CNTN4: variants seen among roughly 807,000 people sequenced by gnomAD.
CNTN4 encodes the protein contactin-4.
Under a neutral mutation model 122.5 loss-of-function variants are expected in CNTN4, and 77 were observed. That is an observed-to-expected ratio of 0.63 (90% CI 0.52 to 0.76). CNTN4 has a LOEUF of 0.76. Ranked by LOEUF, CNTN4 falls within the 30% of genes least tolerant of loss-of-function variation. The pLI, the probability that CNTN4 is intolerant of heterozygous loss-of-function variation, is 0.00. For synonymous variants in CNTN4, 512 were observed against 447.0 expected (o/e 1.15, Z -1.83); for missense variants, 1,256 against 1,259.1 (o/e 1.00, Z 0.04).
At chr3:2,119,801 TG>T (rs1189662006) in intron 2 of CNTN4, among the ~76,000 whole-genome samples, 2 of 152,180 alleles carry the variant, frequency 1.3e-5, no homozygotes, top group Non-Finnish European at 2.9e-5. Context: ...GAAGTGGATA[TG>T]GAACTTGCCA....
In CNTN4 at chr3:2,427,664, C is replaced by T. The variant is rs181262567; in HGVS notation, c.-89+88431C>T. Among the ~76,000 whole-genome samples, 12 of 152,130 alleles carry T rather than the reference C, an allele frequency of 7.9e-5. 1 individual carries two copies. Among genetic ancestry groups the T allele is most frequent in the Admixed American group, 5.9e-4 (9 of 15,292 alleles). On this transcript the variant is annotated intron_variant, in intron 3 of 24. Coordinates refer to ENST00000418658, the MANE Select transcript of CNTN4 (RefSeq NM_175607.3). Reference sequence around the variant, plus strand: ...GCCTCATGGATCTGTCTAATATTGACAGTGGGGTGTTAAAGTCTCCCATTA... The same window carrying T: ...GCCTCATGGATCTGTCTAATATTGATAGTGGGGTGTTAAAGTCTCCCATTA...
intron 2 of CNTN4, among the ~76,000 whole-genome samples, chr3:2,279,554 C>G (rs577349605): frequency 4.6e-5 from 7 of 152,230 alleles, no homozygotes; most frequent in African/African-American, 1.7e-4. Context: ...GGAAAAAGGA[C>G]TGAACTATAT....
chr3:3,027,574 G>A (rs9836259), intron 15 of CNTN4, among the ~76,000 whole-genome samples: 77 of 152,282 alleles, frequency 5.1e-4, no homozygotes, highest in African/African-American at 1.8e-3. Context: ...AACTTTAATG[G>A]TGGTATTAAT....
At chr3:2,139,431 G>T (rs2125324860) in intron 2 of CNTN4, among the ~76,000 whole-genome samples, 1 of 152,298 alleles carries the variant, frequency 6.6e-6, no homozygotes, top group East Asian at 1.9e-4. Context: ...ATTGGAATTA[G>T]ATTGGACACT....
chr3:2,309,837 C>G (rs1287376431), intron 2 of CNTN4, among the ~76,000 whole-genome samples: 1 of 152,152 alleles, frequency 6.6e-6, no homozygotes, highest in Non-Finnish European at 1.5e-5. Context: ...CCTCTGTTTT[C>G]CACATGTGGA....
intron 10 of CNTN4, among the ~76,000 whole-genome samples, chr3:2,898,207 C>T (rs2094135823): frequency 6.6e-6 from 1 of 152,178 alleles, no homozygotes; most frequent in African/African-American, 2.4e-5. Context: ...CTCTTTGTCA[C>T]ATATATAATA....
intron 14 of CNTN4, among the ~76,000 whole-genome samples, chr3:3,025,314 C>T (rs1178213177): frequency 1.3e-5 from 2 of 152,070 alleles, no homozygotes; most frequent in Non-Finnish European, 1.5e-5. Flanking sequence ...ATGTTCATTA[C>T]AGCATTATTT....
intron 2 of CNTN4, among the ~76,000 whole-genome samples, chr3:2,321,677 C>A (rs1270421606): frequency 6.6e-6 from 1 of 151,678 alleles, no homozygotes; most frequent in African/African-American, 2.4e-5. Context: ...GTTAGACGAC[C>A]TAGTATCTCA....
chr3:3,026,427 G>A lies in CNTN4; in HGVS notation c.1662+150G>A, dbSNP rs1698724414. The A allele has an allele frequency of 9.8e-6, 7 of 716,324 alleles. No individual in the cohort carries two copies. The East Asian group carries it at 1.9e-4, about 19-fold the overall frequency. The allele number at this position is 716,324 out of a possible 1,614,324, so 44.4% of individuals were successfully genotyped here. A position where few individuals can be genotyped will look rare whatever the true frequency, so the allele number is the denominator to read the frequency against. On this transcript the variant is annotated intron_variant, in intron 15 of 24. Coordinates refer to ENST00000418658, the MANE Select transcript of CNTN4 (RefSeq NM_175607.3). ...CTGCTCCTTTTTGCACAATAAATGT[G>A]GCATCACTCATTGAACAACTCTATA...
chr3:2,667,004 G>T (rs2084209355), intron 4 of CNTN4, among the ~76,000 whole-genome samples: 1 of 151,922 alleles, frequency 6.6e-6, no homozygotes, highest in African/African-American at 2.4e-5. Context: ...TGGACATTTG[G>T]GTTGGTTCCA....
intron 3 of CNTN4, among the ~76,000 whole-genome samples, chr3:2,450,641 A>G (rs2048796124): frequency 6.6e-6 from 1 of 152,144 alleles, no homozygotes; most frequent in South Asian, 2.1e-4. Flanking sequence ...AAAAAGAACT[A>G]AGGAGCCAAA....
intron 4 of CNTN4, among the ~76,000 whole-genome samples, chr3:2,603,046 T>A (rs1559292827): frequency 2.0e-5 from 3 of 152,176 alleles, no homozygotes; most frequent in Non-Finnish European, 4.4e-5. Flanking sequence ...TTGACTGTAA[T>A]TTGTTGTTAA....
chr3:2,823,796 A>T (rs2092927953), intron 7 of CNTN4, among the ~76,000 whole-genome samples: 1 of 152,162 alleles, frequency 6.6e-6, no homozygotes, highest in Non-Finnish European at 1.5e-5. Flanking sequence ...ACTGTTCATC[A>T]AGAGAGGTTT....
chr3:2,117,101 C>T (rs1416152438), intron 2 of CNTN4, among the ~76,000 whole-genome samples: 1 of 152,160 alleles, frequency 6.6e-6, no homozygotes, highest in African/African-American at 2.4e-5. Flanking sequence ...GGCTCAGTCC[C>T]ACAAGACTGT....
chr3:2,749,335 T>A (rs2149589505), intron 6 of CNTN4, among the ~76,000 whole-genome samples: 2 of 150,462 alleles, frequency 1.3e-5, no homozygotes, highest in East Asian at 3.9e-4. Flanking sequence ...TAAGTTTTTT[T>A]TTTTTTTTTG....
intron 3 of CNTN4, among the ~76,000 whole-genome samples, chr3:2,458,653 C>T (rs991949006): frequency 6.6e-6 from 1 of 152,038 alleles, no homozygotes; most frequent in Non-Finnish European, 1.5e-5. Context: ...AGTTAGTACC[C>T]ATGAATTTTG....
At chr3:2,966,091 A>G (rs758783466) in intron 13 of CNTN4, among the ~76,000 whole-genome samples, 4 of 152,180 alleles carry the variant, frequency 2.6e-5, no homozygotes, top group Admixed American at 6.5e-5. Flanking sequence ...TACCATAGGT[A>G]GTGAGCACTA....
chr3:2,739,707 ATACAAGTTT>A (rs2089344124), intron 5 of CNTN4, among the ~76,000 whole-genome samples: 1 of 152,224 alleles, frequency 6.6e-6, no homozygotes, highest in Non-Finnish European at 1.5e-5. Flanking sequence ...TATTTATTTA[ATACAAGTTT>A]TACATGGCAA....
chr3:2,777,574 A>G (rs4444696), intron 6 of CNTN4, among the ~76,000 whole-genome samples: 17,827 of 152,204 alleles, frequency 0.12, 1,310 homozygotes, highest in East Asian at 0.29. Context: ...TCCAGTTACT[A>G]TAAACTGAGT....
Sources: allele counts gnomAD v4.1 joint callset (sites outside exome capture counted in the v4.1 genomes callset), GRCh38; gene constraint gnomAD v4.1.1; transcripts MANE v1.5; gene names NCBI Gene and HGNC (gene_info 2026-07-23, HGNC 2026-07-21).